The following ANKS1B variants were observed in gnomAD, a reference collection of about 807,000 sequenced individuals.
The protein encoded by ANKS1B is ankyrin repeat and sterile alpha motif domain containing 1B, also known as ankyrin repeat and sterile alpha motif domain-containing protein 1B.
In ANKS1B, 36 loss-of-function variants were observed where a neutral mutation model predicts 148.3. That is an observed-to-expected ratio of 0.24 (90% CI 0.19 to 0.32). The LOEUF is 0.32. Ranked by LOEUF, ANKS1B falls within the 10% of genes least tolerant of loss-of-function variation. The pLI is 1.00. For missense variants in ANKS1B, 1,157 were observed against 1,542.6 expected, an observed-to-expected ratio of 0.75 and a Z score of 4.19; for synonymous variants, 542 against 560.8, an observed-to-expected ratio of 0.97 and a Z score of 0.47.
intron 8 of ANKS1B, among the ~76,000 whole-genome samples, chr12:99,717,954 A>C (rs11836512): frequency 0.21 from 27,846 of 129,556 alleles, 3,121 homozygotes; most frequent in Middle Eastern, 0.32. Context: ...CCCAGGCTGG[A>C]GTGCAGTGGC....
At chr12:99,870,636 T>G (rs1349307435) in intron 1 of ANKS1B, among the ~76,000 whole-genome samples, 1 of 152,152 alleles carries the variant, frequency 6.6e-6, no homozygotes, top group Non-Finnish European at 1.5e-5. Context: ...GAGATGGTAC[T>G]CATTGTGGTT....
intron 4 of ANKS1B, among the ~76,000 whole-genome samples, chr12:99,804,881 T>G (rs1322371837): frequency 1.3e-5 from 2 of 152,172 alleles, no homozygotes; most frequent in Non-Finnish European, 2.9e-5. Flanking sequence ...GAACCATGCA[T>G]GCCATGTGAG....
At chr12:98,777,768 CT>C (rs1474410188) in intron 24 of ANKS1B, among the ~76,000 whole-genome samples, 3 of 152,250 alleles carry the variant, frequency 2.0e-5, no homozygotes, top group Non-Finnish European at 1.5e-5. Context: ...GCCTCTAACC[CT>C]TTCCCATGAA....
At chr12:99,636,955 A>C (rs1447032761) in intron 9 of ANKS1B, among the ~76,000 whole-genome samples, 1 of 152,232 alleles carries the variant, frequency 6.6e-6, no homozygotes, top group Non-Finnish European at 1.5e-5. Context: ...TCAAAAATCT[A>C]AAGGGAAACA....
At chr12:98,915,772 A>G (rs2099793520) in intron 17 of ANKS1B, among the ~76,000 whole-genome samples, 1 of 152,224 alleles carries the variant, frequency 6.6e-6, no homozygotes, top group Admixed American at 6.5e-5. Context: ...AAACAAGTGA[A>G]TTAATCCTTT....
At chr12:99,680,518 G>C (rs940664326) in intron 8 of ANKS1B, among the ~76,000 whole-genome samples, 1 of 152,162 alleles carries the variant, frequency 6.6e-6, no homozygotes, top group South Asian at 2.1e-4. Context: ...ATCTCACAGG[G>C]GTCTGTGGGA....
chr12:99,067,183 C>T (rs1472412302), intron 16 of ANKS1B, among the ~76,000 whole-genome samples: 2 of 152,168 alleles, frequency 1.3e-5, no homozygotes, highest in African/African-American at 2.4e-5. Flanking sequence ...AGAATTAGCA[C>T]CAGCAACTTT....
At chr12:99,689,595 T>C (rs1465723172) in intron 8 of ANKS1B, among the ~76,000 whole-genome samples, 1 of 152,022 alleles carries the variant, frequency 6.6e-6, no homozygotes, top group Non-Finnish European at 1.5e-5. Flanking sequence ...AAAGGGAGAG[T>C]ATCCTGGCTG....
chr12:98,894,491 G>A (rs979193872), intron 17 of ANKS1B: 122 of 813,674 alleles, frequency 1.5e-4, no homozygotes, highest in Non-Finnish European at 1.7e-4. Flanking sequence ...CACCTGCCCC[G>A]GCAAAGCGTC....
intron 17 of ANKS1B, among the ~76,000 whole-genome samples, chr12:98,989,682 G>T (rs1181279967): frequency 6.6e-6 from 1 of 152,092 alleles, no homozygotes; most frequent in Admixed American, 6.6e-5. Flanking sequence ...GCTTGCTCCT[G>T]TAGTCCCAGC....
chr12:99,923,604 A>G (rs1271247409), intron 1 of ANKS1B, among the ~76,000 whole-genome samples: 1 of 152,190 alleles, frequency 6.6e-6, no homozygotes. Flanking sequence ...AAAAAAAGGA[A>G]AGAACATATT....
At chr12:99,002,325 C>T (rs766487860) in intron 17 of ANKS1B, among the ~76,000 whole-genome samples, 6 of 152,160 alleles carry the variant, frequency 3.9e-5, no homozygotes, top group African/African-American at 9.7e-5. Context: ...CTCTTTTCCT[C>T]GGAGCTTTTT....
At chr12:98,896,914 T>C (rs1311695296) in intron 17 of ANKS1B, among the ~76,000 whole-genome samples, 1 of 152,230 alleles carries the variant, frequency 6.6e-6, no homozygotes, top group Admixed American at 6.5e-5. Context: ...CATCATTCTC[T>C]TGTGGATATT....
chr12:98,782,963 A>C (rs2098752044), intron 22 of ANKS1B, among the ~76,000 whole-genome samples: 1 of 151,428 alleles, frequency 6.6e-6, no homozygotes, highest in Non-Finnish European at 1.5e-5. Flanking sequence ...GTTGATTTTA[A>C]GGCAACGCGG....
intron 17 of ANKS1B, among the ~76,000 whole-genome samples, chr12:98,852,964 T>C (rs2099539326): frequency 6.6e-6 from 1 of 152,088 alleles, no homozygotes; most frequent in African/African-American, 2.4e-5. Flanking sequence ...AGAAATCTTT[T>C]GAAAAATATA....
At chr12:99,455,925 G>A (rs948841024) in intron 10 of ANKS1B, among the ~76,000 whole-genome samples, 19 of 152,196 alleles carry the variant, frequency 1.2e-4, no homozygotes, top group South Asian at 4.1e-4. Context: ...CAGCTGATGT[G>A]CTATTGAAAG....
chr12:99,183,416 G>T (rs533581015), intron 14 of ANKS1B, among the ~76,000 whole-genome samples: 1 of 152,296 alleles, frequency 6.6e-6, no homozygotes, highest in Non-Finnish European at 1.5e-5. Flanking sequence ...GGCCAAGGCG[G>T]GCGGATCATG....
chr12:98,830,021 T>C (rs1450284748), intron 18 of ANKS1B, among the ~76,000 whole-genome samples: 2 of 152,200 alleles, frequency 1.3e-5, no homozygotes, highest in East Asian at 3.9e-4. Flanking sequence ...CTGGACCTTC[T>C]ATGATAGATT....
At chr12:99,031,321 A>G in intron 17 of ANKS1B, among the ~76,000 whole-genome samples, 1 of 152,220 alleles carries the variant, frequency 6.6e-6, no homozygotes, top group Non-Finnish European at 1.5e-5. Context: ...TTATTGATAA[A>G]TAGTATTAAA....
Sources: allele counts gnomAD v4.1 joint callset (sites outside exome capture counted in the v4.1 genomes callset), GRCh38; gene constraint gnomAD v4.1.1; transcripts MANE v1.5; gene names NCBI Gene and HGNC (gene_info 2026-07-23, HGNC 2026-07-21).